The following GPLD1 variants were observed in gnomAD, a reference collection of about 807,000 sequenced individuals.
GPLD1 encodes glycosylphosphatidylinositol specific phospholipase D1.
In GPLD1, 84 loss-of-function variants were observed where a neutral mutation model predicts 112.6. The ratio of observed to expected loss-of-function variants is 0.75; its 90% CI spans 0.63 to 0.89. GPLD1 has a LOEUF of 0.89. Among genes scored for constraint, GPLD1 ranks in the 40% least tolerant of loss-of-function variants. The probability of loss-of-function intolerance (pLI) is 0.00; values close to 1 mark genes in which losing one functional copy is unlikely to be tolerated. For missense variants in GPLD1, 1,044 were observed against 1,051.5 expected (o/e 0.99, Z 0.10); for synonymous variants, 386 against 403.8 (o/e 0.96, Z 0.53).
Position 24,475,191 on chromosome 6 carries a change from GAAGT to G in GPLD1, c.367_370del (p.Thr123LeufsTer45). 2 of 1,612,520 alleles carry G rather than the reference GAAGT, an allele frequency of 1.2e-6. No homozygotes were observed. The highest frequency in any genetic ancestry group is 1.7e-6 in the Non-Finnish European group (2 of 1,178,566). On this transcript the variant is annotated frameshift_variant, in exon 5 of 25. Transcript: ENST00000230036. LOFTEE classifies it high-confidence loss of function. ...CCAGCTGACATCTGCCGCCATGTGA[GAAGT>G]AATTCCAAACAAGAAAGCTACCAGT...
At chr6:24,458,376 A>C (rs1002501348) in intron 12 of GPLD1, among the ~76,000 whole-genome samples, 1 of 152,184 alleles carries the variant, frequency 6.6e-6, no homozygotes, top group Non-Finnish European at 1.5e-5. Flanking sequence ...GGAAGCAATT[A>C]ATCAGCTCCT....
intron 4 of GPLD1, among the ~76,000 whole-genome samples, chr6:24,475,434 GGAGGCT>G: frequency 6.6e-6 from 1 of 152,020 alleles, no homozygotes; most frequent in African/African-American, 2.4e-5. Context: ...CAGCTACTCA[GGAGGCT>G]GAGACACAAG....
chr6:24,478,791 C>T (rs1279026322), intron 3 of GPLD1, among the ~76,000 whole-genome samples: 1 of 152,120 alleles, frequency 6.6e-6, no homozygotes, highest in African/African-American at 2.4e-5. Flanking sequence ...TAATCTCTCC[C>T]TCCCTTGAAC....
chr6:24,437,615 A>T (rs1762622855), intron 20 of GPLD1, among the ~76,000 whole-genome samples: 1 of 152,052 alleles, frequency 6.6e-6, no homozygotes, highest in African/African-American at 2.4e-5. Context: ...ACGCAAGTGG[A>T]CTCTGGATGG....
At chr6:24,475,081 CA>C in intron 5 of GPLD1, 39 bp downstream of exon 5, 1 of 981,538 alleles carries the variant, frequency 1.0e-6, no homozygotes, top group Non-Finnish European at 1.7e-6. Context: ...GAGACAGTAT[CA>C]CTCCCATAAA....
chr6:24,461,880 G>T (rs1312538714), intron 11 of GPLD1, among the ~76,000 whole-genome samples: 2 of 151,922 alleles, frequency 1.3e-5, no homozygotes, highest in African/African-American at 4.8e-5. Flanking sequence ...GTGTTATTTT[G>T]TTCTATTTTA....
intron 10 of GPLD1, among the ~76,000 whole-genome samples, chr6:24,464,384 A>G (rs1404580929): frequency 1.3e-5 from 2 of 152,094 alleles, no homozygotes; most frequent in African/African-American, 4.8e-5. Flanking sequence ...GCACCTAAAA[A>G]CCCAGGTCCA....
intron 6 of GPLD1, 61 bp downstream of exon 6, chr6:24,473,558 G>A: frequency 2.0e-6 from 2 of 989,066 alleles, no homozygotes; most frequent in South Asian, 1.3e-5. Context: ...AAGCACAGTA[G>A]TGATGTCATT....
intron 10 of GPLD1, 28 bp downstream of exon 10, chr6:24,466,630 GGGTAAAAAGGCAGAGAGTGATT>G (rs943659696): frequency 2.0e-6 from 3 of 1,478,342 alleles, no homozygotes; most frequent in African/African-American, 2.8e-5. Context: ...TTGGGGGATG[GGGTAAAAAGGCAGAGAGTGATT>G]GGTAATAGAA....
chr6:24,437,022 A>T (rs1273288030), intron 21 of GPLD1, 91 bp downstream of exon 21: 5 of 1,166,858 alleles, frequency 4.3e-6, no homozygotes, highest in African/African-American at 3.0e-5. Context: ...GCTGTCAATT[A>T]TAAGGGCAGA....
intron 22 of GPLD1, 93 bp downstream of exon 22, chr6:24,436,483 C>A: frequency 9.1e-7 from 1 of 1,094,572 alleles, no homozygotes; most frequent in Non-Finnish European, 1.4e-6. Flanking sequence ...GGTATGAATT[C>A]AGGTAAGCAC....
chr6:24,467,036 G>A (rs184715256), intron 8 of GPLD1, 97 bp from the exon 9 acceptor site: 87 of 1,157,506 alleles, frequency 7.5e-5, no homozygotes, highest in Admixed American at 5.4e-4. Context: ...CTTTTCCACC[G>A]TCATGCAACT....
chr6:24,466,542 T>C, intron 10 of GPLD1, 138 bp downstream of exon 10: 3 of 654,268 alleles, frequency 4.6e-6, no homozygotes, highest in South Asian at 4.5e-5. Context: ...TTTCCCTCTT[T>C]GAATAGGTTA....
At chr6:24,466,852 T>C in intron 9 of GPLD1, 33 bp from the exon 10 acceptor site, 1 of 1,595,628 alleles carries the variant, frequency 6.3e-7, no homozygotes, top group Non-Finnish European at 8.6e-7. Flanking sequence ...ATAAAATGAA[T>C]ATGGTACTAT....
rs1423410534 is a variant in GPLD1 at position 24,453,646 on chromosome 6, A to T, written c.1335+369T>A. On this transcript the variant is annotated intron_variant, in intron 14 of 24. Transcript: ENST00000230036. Reference sequence around the variant, plus strand: ...GCAAGAGACTCCATCTCAAATAAATAAATTAATTAATTAAAATAAAATACT... The same window carrying T: ...GCAAGAGACTCCATCTCAAATAAATTAATTAATTAATTAAAATAAAATACT... Among the ~76,000 whole-genome samples, 11 of 152,186 alleles carry T rather than the reference A, an allele frequency of 7.2e-5. No individual in the cohort carries two copies. In the East Asian group the frequency reaches 9.6e-4, roughly 13 times the overall value.
At chr6:24,485,488 T>TG (rs1188962411) in intron 2 of GPLD1, among the ~76,000 whole-genome samples, 1 of 72,614 alleles carries the variant, frequency 1.4e-5, no homozygotes, top group Non-Finnish European at 3.3e-5. Context: ...TTCTCAAGTA[T>TG]TTTTTCAAAT....
At position 24,436,665 on chromosome 6, in the gene GPLD1, G is replaced by T. The variant is rs573942706; in HGVS notation, c.2269C>A (p.Arg757=). Residue 757 remains arginine (R), a synonymous_variant, in exon 22 of 25, where the codon CGA becomes AGA. Transcript: ENST00000230036. ...TCTTTGCCATTATATACATATACTC[G>T]GCCGTCTTCTCCCCCAATCAGTCCA... is the stretch of plus-strand genomic sequence containing the variant. The part of the protein sequence containing the change: ...TSGLIGGEDG[R]VYVYNGKETT... 1.2e-6 allele frequency: 2 copies of T among 1,613,696 alleles called. No homozygotes were observed. Among genetic ancestry groups the T allele is most frequent in the Non-Finnish European group, 1.7e-6 (2 of 1,179,816 alleles).
At chr6:24,452,053 CAG>C (rs1190086032) in intron 14 of GPLD1, among the ~76,000 whole-genome samples, 5 of 152,202 alleles carry the variant, frequency 3.3e-5, no homozygotes, top group African/African-American at 1.2e-4. Flanking sequence ...TCACTGCAGT[CAG>C]GGCCTGAGGG....
chr6:24,446,116 C>T (rs533343905), intron 18 of GPLD1, among the ~76,000 whole-genome samples: 1 of 139,118 alleles, frequency 7.2e-6, no homozygotes, highest in South Asian at 2.3e-4. Context: ...CAGTGGTGGT[C>T]CCCCCGATCC....
Sources: gnomAD v4.1 joint callset for allele counts (sites outside exome capture counted in the v4.1 genomes callset) on GRCh38, gnomAD v4.1.1 for gene constraint, MANE v1.5 for transcripts, NCBI Gene and HGNC (gene_info 2026-07-23, HGNC 2026-07-21) for gene names.